Variants in ZBTB20 observed in about 807,000 individuals in gnomAD.
ZBTB20 encodes the protein zinc finger and BTB domain containing 20.
ZBTB20 carries 9 observed loss-of-function variants against 56.9 expected under a neutral mutation model. The ratio of observed to expected loss-of-function variants is 0.16; its 90% CI spans 0.10 to 0.28. The LOEUF is 0.28. Among genes scored for constraint, ZBTB20 ranks in the 10% least tolerant of loss-of-function variants. The pLI is 1.00. For synonymous variants in ZBTB20, 417 were observed against 420.7 expected (o/e 0.99, Z 0.11); for missense variants, 655 against 1,003.0 (o/e 0.65, Z 4.69).
intron 5 of ZBTB20, among the ~76,000 whole-genome samples, chr3:114,717,373 T>C (rs1172018205): frequency 6.6e-6 from 1 of 152,108 alleles, no homozygotes; most frequent in Non-Finnish European, 1.5e-5. Context: ...GTTATTGAGG[T>C]TCACATTACC....
chr3:114,980,239 A>T (rs888261688), intron 2 of ZBTB20, among the ~76,000 whole-genome samples: 1 of 152,076 alleles, frequency 6.6e-6, no homozygotes, highest in African/African-American at 2.4e-5. Flanking sequence ...ATCAACAAAT[A>T]AATAAATTAA....
intron 1 of ZBTB20, among the ~76,000 whole-genome samples, chr3:115,090,384 T>A (rs986059282): frequency 6.6e-6 from 1 of 151,852 alleles, no homozygotes; most frequent in Non-Finnish European, 1.5e-5. Context: ...TTATTTAAAC[T>A]TTTTTCCCTC....
intron 5 of ZBTB20, among the ~76,000 whole-genome samples, chr3:114,696,616 T>C (rs1056856813): frequency 9.2e-5 from 14 of 151,968 alleles, no homozygotes; most frequent in African/African-American, 1.4e-4. Context: ...ACCTCCCTTA[T>C]CAGACAAATG....
intron 6 of ZBTB20, among the ~76,000 whole-genome samples, chr3:114,565,065 T>C (rs538409370): frequency 6.6e-5 from 10 of 152,322 alleles, no homozygotes; most frequent in African/African-American, 2.4e-4. Context: ...CATAACATCC[T>C]TGTCCTGCTG....
At chr3:114,755,770 C>A (rs2067967191) in intron 5 of ZBTB20, among the ~76,000 whole-genome samples, 1 of 152,022 alleles carries the variant, frequency 6.6e-6, no homozygotes, top group Non-Finnish European at 1.5e-5. Flanking sequence ...TCCGACCTGA[C>A]CTTTAGGTAT....
intron 5 of ZBTB20, among the ~76,000 whole-genome samples, chr3:114,723,449 G>T (rs373086964): frequency 6.6e-6 from 1 of 152,238 alleles, no homozygotes; most frequent in South Asian, 2.1e-4. Context: ...GACTTATATA[G>T]AGATTTTGTT....
At chr3:114,935,636 G>A (rs370255777) in intron 3 of ZBTB20, among the ~76,000 whole-genome samples, 12 of 152,114 alleles carry the variant, frequency 7.9e-5, no homozygotes, top group Admixed American at 3.9e-4. Flanking sequence ...CTGCTTTCTC[G>A]GCCTGTGGAT....
At chr3:114,389,887 CAAAAAA>C (rs34247337) in intron 7 of ZBTB20, among the ~76,000 whole-genome samples, 6 of 77,610 alleles carry the variant, frequency 7.7e-5, no homozygotes, top group African/African-American at 2.3e-4. Context: ...GAGTCCATCT[CAAAAAA>C]AAAAAAAAAA....
At chr3:114,377,922 TGA>T (rs1184221507) in intron 10 of ZBTB20, among the ~76,000 whole-genome samples, 4 of 152,282 alleles carry the variant, frequency 2.6e-5, no homozygotes, top group Admixed American at 2.6e-4. Context: ...CAAGCACTTG[TGA>T]AAGCTTGGAA....
chr3:115,025,386 G>T (rs1227915099), intron 2 of ZBTB20, among the ~76,000 whole-genome samples: 1 of 151,146 alleles, frequency 6.6e-6, no homozygotes, highest in Non-Finnish European at 1.5e-5. Flanking sequence ...CTTTGCTATT[G>T]TGAATAGTGC....
At chr3:114,390,654 C>T (rs1172408690) in intron 7 of ZBTB20, among the ~76,000 whole-genome samples, 2 of 152,202 alleles carry the variant, frequency 1.3e-5, no homozygotes, top group Non-Finnish European at 2.9e-5. Context: ...GGAGAGCATC[C>T]ACATTGCTAT....
chr3:114,440,335 G>C (rs944700089), intron 7 of ZBTB20, among the ~76,000 whole-genome samples: 3 of 152,110 alleles, frequency 2.0e-5, no homozygotes, highest in African/African-American at 7.2e-5. Context: ...CTGTAAGGAA[G>C]GGTGGAGCTG....
At position 114,846,259 on chromosome 3, in the gene ZBTB20, G is replaced by A. The variant is rs184683080; in HGVS notation, c.-416-45085C>T. Among the ~76,000 whole-genome samples the A allele has an allele frequency of 2.6e-3, 391 of 152,324 alleles. 1 individual carries two copies. Among genetic ancestry groups the A allele is most frequent in the African/African-American group, 8.7e-3 (361 of 41,566 alleles). On this transcript the variant is annotated intron_variant, in intron 4 of 11. Coordinates refer to ENST00000675478, the MANE Select transcript of ZBTB20 (RefSeq NM_001348800.3). Reference sequence around the variant, plus strand: ...AGCTGAGAGAATTCACCATACTGATGAGCTTTCCTCCTCAGAGAGCTTGCT... The same window carrying A: ...AGCTGAGAGAATTCACCATACTGATAAGCTTTCCTCCTCAGAGAGCTTGCT...
At chr3:114,598,463 A>C (rs1335827995) in intron 6 of ZBTB20, among the ~76,000 whole-genome samples, 3 of 151,844 alleles carry the variant, frequency 2.0e-5, no homozygotes, top group Non-Finnish European at 4.4e-5. Flanking sequence ...ATATATGCTC[A>C]ATCCCTCTTG....
chr3:114,691,932 G>A (rs1427413817), intron 6 of ZBTB20, among the ~76,000 whole-genome samples: 1 of 152,030 alleles, frequency 6.6e-6, no homozygotes, highest in African/African-American at 2.4e-5. Context: ...TCCCCAAGGA[G>A]CTTTTCATTT....
intron 1 of ZBTB20, among the ~76,000 whole-genome samples, chr3:115,126,721 T>C (rs1015035547): frequency 6.6e-6 from 1 of 152,188 alleles, no homozygotes; most frequent in Non-Finnish European, 1.5e-5. Context: ...TAAAGCTGTA[T>C]TATTTATGAA....
chr3:114,737,994 C>T (rs1180717793), intron 5 of ZBTB20, among the ~76,000 whole-genome samples: 3 of 151,888 alleles, frequency 2.0e-5, no homozygotes, highest in Admixed American at 6.6e-5. Context: ...AGTGTTCTTG[C>T]TTTTTTTCTA....
intron 6 of ZBTB20, among the ~76,000 whole-genome samples, chr3:114,602,839 C>T (rs1323219572): frequency 6.6e-6 from 1 of 151,916 alleles, no homozygotes; most frequent in Non-Finnish European, 1.5e-5. Context: ...TTCTATAAAA[C>T]TCAAAGCACT....
intron 7 of ZBTB20, among the ~76,000 whole-genome samples, chr3:114,394,976 T>A (rs1019104628): frequency 6.6e-6 from 1 of 152,204 alleles, no homozygotes; most frequent in Non-Finnish European, 1.5e-5. Context: ...TTATTGTTAT[T>A]TTTAACAATA....
Sources: allele counts gnomAD v4.1 joint callset (sites outside exome capture counted in the v4.1 genomes callset), GRCh38; gene constraint gnomAD v4.1.1; transcripts MANE v1.5; gene names NCBI Gene and HGNC (gene_info 2026-07-23, HGNC 2026-07-21).